TIMP3: variants seen among roughly 807,000 people sequenced by gnomAD.
The protein encoded by TIMP3 is TIMP metallopeptidase inhibitor 3, also known as metalloproteinase inhibitor 3.
TIMP3 carries 11 observed loss-of-function variants against 30.0 expected under a neutral mutation model. That is an observed-to-expected ratio of 0.37 (90% confidence interval 0.23 to 0.61). TIMP3 has a LOEUF of 0.61. Among genes scored for constraint, TIMP3 ranks in the 20% least tolerant of loss-of-function variants. TIMP3 has a pLI of 0.70. For missense variants in TIMP3, 181 were observed against 276.8 expected (o/e 0.65, Z 2.45); for synonymous variants, 112 against 111.3 (o/e 1.01, Z -0.04).
chr22:32,824,729 C>T (rs2047351339), intron 1 of TIMP3, among the ~76,000 whole-genome samples: 1 of 152,146 alleles, frequency 6.6e-6, no homozygotes, highest in Admixed American at 6.5e-5. Flanking sequence ...GATCCATTTC[C>T]TCTGCTTTCG....
intron 2 of TIMP3, among the ~76,000 whole-genome samples, chr22:32,855,327 T>TGGGCACACACTGTGCCTCTGAAGG (rs2048334257): frequency 1.3e-5 from 2 of 152,180 alleles, no homozygotes; most frequent in Non-Finnish European, 2.9e-5. Flanking sequence ...CCAGTGACTC[T>TGGGCACACACTGTGCCTCTGAAGG]GGGCACACAC....
At chr22:32,825,657 CAAAAAAAAAAAAAAAAAAAAAAAAAAAAA>C (rs130292) in intron 1 of TIMP3, among the ~76,000 whole-genome samples, 1 of 28,560 alleles carries the variant, frequency 3.5e-5, no homozygotes, top group South Asian at 2.3e-3. Context: ...GTTTCCATCT[CAAAAAAAAAAAAAAAAAAAAAAAAAAAAA>C]AAAAAAAAAA....
intron 1 of TIMP3, among the ~76,000 whole-genome samples, chr22:32,814,351 G>GGAAGAAAGGA (rs1569245527): frequency 1.4e-4 from 2 of 14,566 alleles, no homozygotes; most frequent in Admixed American, 9.3e-4. Context: ...GAAAGAAAGA[G>GGAAGAAAGGA]AGAAAGAAAG....
intron 1 of TIMP3, among the ~76,000 whole-genome samples, chr22:32,849,129 T>A (rs2048149086): frequency 6.6e-6 from 1 of 152,012 alleles, no homozygotes; most frequent in African/African-American, 2.4e-5. Flanking sequence ...ACAGGAGAAG[T>A]AGGTTTTGGA....
Position 32,801,920 on chromosome 22 carries a change from G to A in TIMP3, c.-82G>A. ...ACGGCCCGGCGGGCGAGCGAGCTCG[G>A]GCTGCAGCAGCCCCGCCGGCGGCGC... On this transcript the variant is annotated 5_prime_UTR_variant, in exon 1 of 5. Coordinates refer to ENST00000266085, the MANE Select transcript of TIMP3 (RefSeq NM_000362.5). The surrounding 1 kb of genome is among the most constrained non-coding windows in gnomAD (Gnocchi z 4.7). 6.7e-7 allele frequency: 1 copy of A among 1,486,972 alleles called. No individual in the cohort carries two copies. The highest frequency in any genetic ancestry group is 8.9e-7 in the Non-Finnish European group (1 of 1,124,198). The allele number at this position is 1,486,972 out of a possible 1,614,324, so 92.1% of individuals were successfully genotyped here.
At chr22:32,805,506 T>C (rs1227514027) in intron 1 of TIMP3, among the ~76,000 whole-genome samples, 1 of 152,154 alleles carries the variant, frequency 6.6e-6, no homozygotes, top group Non-Finnish European at 1.5e-5. Context: ...GGACCCAGGC[T>C]GTGGATGTCT....
chr22:32,847,547 T>C (rs996882186), intron 1 of TIMP3, among the ~76,000 whole-genome samples: 2 of 152,110 alleles, frequency 1.3e-5, no homozygotes, highest in African/African-American at 4.8e-5. Context: ...CCAAGCTCAT[T>C]TGGAAAGAAA....
At chr22:32,809,331 G>A (rs2046847841) in intron 1 of TIMP3, among the ~76,000 whole-genome samples, 1 of 152,178 alleles carries the variant, frequency 6.6e-6, no homozygotes, top group Admixed American at 6.5e-5. Flanking sequence ...CTCTCCACAT[G>A]AGTCTTTGGC....
rs2048577937 is a variant in TIMP3, at chr22:32,862,634, T to C, written c.*3257T>C. 1 of 152,188 alleles carries C rather than the reference T, an allele frequency of 6.6e-6. No individual in the cohort carries two copies. The highest frequency in any genetic ancestry group is 2.4e-5 in the African/African-American group (1 of 41,434). 9.4% of individuals were successfully genotyped at this position (152,188 alleles called of 1,614,324 possible). ...GTATTTTTATGAGAGACAAACATTATAAAAATCTGATGGCAAAAGCAAAAC... is the reference window on the plus strand; with the variant it reads ...GTATTTTTATGAGAGACAAACATTACAAAAATCTGATGGCAAAAGCAAAAC... On this transcript the variant is annotated 3_prime_UTR_variant, in exon 5 of 5. Transcript: ENST00000266085.
At chr22:32,836,424 G>T (rs947263451) in intron 1 of TIMP3, among the ~76,000 whole-genome samples, 2 of 152,200 alleles carry the variant, frequency 1.3e-5, no homozygotes, top group Non-Finnish European at 2.9e-5. Context: ...AATACCAGAG[G>T]TTGGCTTTAT....
intron 1 of TIMP3, chr22:32,833,853 G>T (rs748887784): frequency 2.0e-6 from 1 of 501,162 alleles, no homozygotes; most frequent in Non-Finnish European, 4.0e-6. Context: ...CACTGATCAT[G>T]CATGGAAAGT....
chr22:32,804,224 A>G (rs1433936703), intron 1 of TIMP3, among the ~76,000 whole-genome samples: 1 of 152,162 alleles, frequency 6.6e-6, no homozygotes, highest in Non-Finnish European at 1.5e-5. Context: ...GGTGAGCTGC[A>G]CTAGTGGCAG....
chr22:32,853,330 A>G (rs1175622859), intron 2 of TIMP3, among the ~76,000 whole-genome samples: 1 of 152,230 alleles, frequency 6.6e-6, no homozygotes, highest in Non-Finnish European at 1.5e-5. Flanking sequence ...CGGTCTGTAA[A>G]TAAGAATTTG....
intron 1 of TIMP3, among the ~76,000 whole-genome samples, chr22:32,803,334 G>T (rs752036921): frequency 6.6e-6 from 1 of 152,054 alleles, no homozygotes; most frequent in Non-Finnish European, 1.5e-5. Flanking sequence ...GGTGAGGAGG[G>T]GGAGGAGGTA....
At chr22:32,809,361 C>T (rs570086523) in intron 1 of TIMP3, among the ~76,000 whole-genome samples, 5 of 152,330 alleles carry the variant, frequency 3.3e-5, no homozygotes, top group Admixed American at 6.5e-5. Context: ...TTGGGGTCCC[C>T]GTCAGTCTGC....
chr22:32,848,010 AAT>A (rs1389996417), intron 1 of TIMP3, among the ~76,000 whole-genome samples: 3 of 152,216 alleles, frequency 2.0e-5, no homozygotes, highest in Non-Finnish European at 1.5e-5. Flanking sequence ...TGGTTGAGCC[AAT>A]GAATGTTACT....
intron 1 of TIMP3, among the ~76,000 whole-genome samples, chr22:32,818,591 G>T (rs2047149310): frequency 6.6e-6 from 1 of 152,164 alleles, no homozygotes; most frequent in Non-Finnish European, 1.5e-5. Flanking sequence ...AGGGCTGGTG[G>T]ACTTAAAAGG....
Position 32,860,591 on chromosome 22 carries a change from C to G in TIMP3, c.*1214C>G, listed in dbSNP as rs930299924. On this transcript the variant is annotated 3_prime_UTR_variant, in exon 5 of 5. Coordinates refer to ENST00000266085, the MANE Select transcript of TIMP3 (RefSeq NM_000362.5). ...TGAACACCGTCAGCACCCTCTCTTC[C>G]CTATCATGGGTCATCTGACCCCTGT... The G allele has an allele frequency of 3.3e-5, 5 of 152,548 alleles. No homozygotes were observed. The highest frequency in any genetic ancestry group is 1.2e-4 in the African/African-American group (5 of 41,400). 9.4% of individuals were successfully genotyped at this position (152,548 alleles called of 1,614,324 possible). A position where few individuals can be genotyped will look rare whatever the true frequency, so the allele number is the denominator to read the frequency against.
At position 32,859,685 on chromosome 22, in the gene TIMP3, G is replaced by A; in HGVS notation, c.*308G>A. ...GATAATATAATCTCTATTTTTTTAG[G>A]AAAACAAAAATGAAAAACTACTCCA... On this transcript the variant is annotated 3_prime_UTR_variant, in exon 5 of 5. Coordinates refer to ENST00000266085, the MANE Select transcript of TIMP3 (RefSeq NM_000362.5). 1 of 332,192 alleles carries A rather than the reference G, an allele frequency of 3.0e-6. No homozygotes were observed. 20.6% of individuals were successfully genotyped at this position (332,192 alleles called of 1,614,324 possible).
Sources: gnomAD v4.1 joint callset for allele counts (sites outside exome capture counted in the v4.1 genomes callset) on GRCh38, gnomAD v4.1.1 for gene constraint, Gnocchi (gnomAD v3.1) non-coding constraint, MANE v1.5 for transcripts, NCBI Gene and HGNC (gene_info 2026-07-23, HGNC 2026-07-21) for gene names.